The following IL1RAP variants were observed in gnomAD, a reference collection of about 807,000 sequenced individuals.
IL1RAP encodes the protein interleukin 1 receptor accessory protein.
Under a neutral mutation model 60.7 loss-of-function variants are expected in IL1RAP, and 35 were observed. The ratio of observed to expected loss-of-function variants is 0.58; its 90% CI spans 0.44 to 0.76. The LOEUF is 0.76. Ranked by LOEUF, IL1RAP falls within the 30% of genes least tolerant of loss-of-function variation. The pLI is 0.00. For synonymous variants in IL1RAP, 268 were observed against 250.9 expected (o/e 1.07, Z -0.64); for missense variants, 572 against 693.9 (o/e 0.82, Z 1.97).
Position 190,627,309 on chromosome 3 carries a change from G to GTTT in IL1RAP, c.776-6_776-4dup. ...GTTTTTTGTTTTTTTTGTTTTTTTG[G>GTTT]TTTTTTTTTTCAGGAGAGGAGCTAC... is the stretch of plus-strand genomic sequence containing the variant. On this transcript the variant is annotated splice_polypyrimidine_tract_variant and intron_variant, in intron 7 of 11. Transcript: ENST00000447382. 1 of 1,347,034 alleles carries GTTT rather than the reference G, an allele frequency of 7.4e-7. No homozygotes were observed. Among genetic ancestry groups the GTTT allele is most frequent in the Admixed American group, 2.5e-5 (1 of 40,374 alleles). The allele number at this position is 1,347,034 out of a possible 1,614,324, so 83.4% of individuals were successfully genotyped here.
intron 9 of IL1RAP, among the ~76,000 whole-genome samples, chr3:190,636,542 T>G (rs549167640): frequency 6.6e-6 from 1 of 152,116 alleles, no homozygotes; most frequent in East Asian, 1.9e-4. Flanking sequence ...TTTAATTAAT[T>G]AATTTTTTTT....
At chr3:190,541,121 G>A (rs150840415) in intron 1 of IL1RAP, among the ~76,000 whole-genome samples, 1 of 151,956 alleles carries the variant, frequency 6.6e-6, no homozygotes, top group African/African-American at 2.4e-5. Context: ...CATAGAAACT[G>A]GGAGATAGGG....
chr3:190,522,289 GCTTCCTTCCTTCCTTCCTTC>G (rs72459878), intron 1 of IL1RAP, among the ~76,000 whole-genome samples: 4,724 of 135,428 alleles, frequency 0.035, 272 homozygotes, highest in African/African-American at 0.12. Flanking sequence ...GCCTTCCTTT[GCTTCCTTCCTTCCTTCCTTC>G]CTTCCTTCCT....
At chr3:190,643,595 A>C (rs1333817440) in intron 9 of IL1RAP, among the ~76,000 whole-genome samples, 1 of 152,242 alleles carries the variant, frequency 6.6e-6, no homozygotes, top group Non-Finnish European at 1.5e-5. Context: ...GTTCACCTCT[A>C]GAATATGTAC....
chr3:190,646,357 C>CT (rs900984309), intron 11 of IL1RAP, among the ~76,000 whole-genome samples: 2 of 151,878 alleles, frequency 1.3e-5, no homozygotes, highest in Non-Finnish European at 2.9e-5. Context: ...GGCATTTGCT[C>CT]TTTTTTTTCC....
intron 5 of IL1RAP, among the ~76,000 whole-genome samples, chr3:190,616,644 C>T (rs901908580): frequency 3.3e-5 from 5 of 152,158 alleles, no homozygotes; most frequent in African/African-American, 1.2e-4. Context: ...ACAGTTCAAA[C>T]CTTGTATCTC....
chr3:190,620,373 TG>T lies in IL1RAP; in HGVS notation c.637del (p.Val213LeufsTer17). 1 of 1,612,720 alleles carries T rather than the reference TG, an allele frequency of 6.2e-7. No individual in the cohort carries two copies. The highest frequency in any genetic ancestry group is 8.5e-7 in the Non-Finnish European group (1 of 1,179,098). On this transcript the variant is annotated frameshift_variant, in exon 6 of 12. Transcript: ENST00000447382. LOFTEE classifies it high-confidence loss of function. ...LISNNGNYTC[V>X]VTYPENGRTF... Reference sequence around the variant, plus strand: ...TTTCAAATAATGGAAATTACACATGTGTTGTTACATATCCAGAAAATGGACG... The same window carrying T: ...TTTCAAATAATGGAAATTACACATGTTTGTTACATATCCAGAAAATGGACG...
chr3:190,585,139 C>T (rs974508939), intron 3 of IL1RAP, among the ~76,000 whole-genome samples: 6 of 152,184 alleles, frequency 3.9e-5, no homozygotes, highest in African/African-American at 1.4e-4. Flanking sequence ...TGGATGATTA[C>T]ATCCTACAAA....
chr3:190,542,858 A>T (rs1015235843), intron 1 of IL1RAP, among the ~76,000 whole-genome samples: 1 of 150,872 alleles, frequency 6.6e-6, no homozygotes, highest in Non-Finnish European at 1.5e-5. Flanking sequence ...ATCCACTGTA[A>T]CATACACAAA....
At chr3:190,529,360 C>G (rs549653125) in intron 1 of IL1RAP, among the ~76,000 whole-genome samples, 1 of 152,114 alleles carries the variant, frequency 6.6e-6, no homozygotes, top group East Asian at 1.9e-4. Context: ...AAGAGACCAG[C>G]CTGGCCAACG....
chr3:190,576,906 G>A (rs1727511298), intron 3 of IL1RAP, among the ~76,000 whole-genome samples: 1 of 151,966 alleles, frequency 6.6e-6, no homozygotes, highest in Admixed American at 6.6e-5. Context: ...GAGGTCAGGA[G>A]ATCGAGAGCA....
Position 190,650,735 on chromosome 3 carries a change from C to T in IL1RAP, c.*2030C>T. On this transcript the variant is annotated 3_prime_UTR_variant, in exon 12 of 12. Coordinates refer to ENST00000447382, the MANE Select transcript of IL1RAP (RefSeq NM_002182.4). ...TTTTTTAGCCTTATTAATATTTTTC[C>T]CTATTAGAAACCACAATTACTCCCT... 14 of 982,246 alleles carry T rather than the reference C, an allele frequency of 1.4e-5. No homozygotes were observed. The highest frequency in any genetic ancestry group is 1.7e-5 in the Non-Finnish European group (14 of 827,360). The allele number at this position is 982,246 out of a possible 1,614,324, so 60.8% of individuals were successfully genotyped here.
intron 1 of IL1RAP, among the ~76,000 whole-genome samples, chr3:190,527,112 G>A (rs1377221535): frequency 6.6e-6 from 1 of 152,188 alleles, no homozygotes; most frequent in African/African-American, 2.4e-5. Flanking sequence ...TTCCAGCGAT[G>A]ATCCCAGAGC....
chr3:190,592,646 A>G (rs1255265487), intron 3 of IL1RAP, among the ~76,000 whole-genome samples: 1 of 152,220 alleles, frequency 6.6e-6, no homozygotes, highest in Non-Finnish European at 1.5e-5. Flanking sequence ...AAACTCCAGC[A>G]TGGCAGATAC....
At chr3:190,635,552 GTTA>G (rs1198345271) in intron 9 of IL1RAP, among the ~76,000 whole-genome samples, 1 of 151,948 alleles carries the variant, frequency 6.6e-6, no homozygotes, top group African/African-American at 2.4e-5. Flanking sequence ...TCGAGTTTTT[GTTA>G]TTATTAAGTT....
chr3:190,565,896 A>G (rs2108632241), intron 3 of IL1RAP, among the ~76,000 whole-genome samples: 1 of 152,088 alleles, frequency 6.6e-6, no homozygotes, highest in Non-Finnish European at 1.5e-5. Context: ...CTCTCCCTCC[A>G]TCCTGTTTTA....
At chr3:190,578,001 C>T (rs116683851) in intron 3 of IL1RAP, among the ~76,000 whole-genome samples, 8,607 of 152,218 alleles carry the variant, frequency 0.057, 340 homozygotes, top group Non-Finnish European at 0.079. Context: ...GGGAGCTAAG[C>T]ATTGGGCACA....
In IL1RAP at chr3:190,541,192, T is replaced by G. The variant is rs530047233; in HGVS notation, c.-88-14938T>G. Among the ~76,000 whole-genome samples the G allele has an allele frequency of 7.2e-5, 11 of 152,174 alleles. No individual in the cohort carries two copies. In the East Asian group the frequency reaches 1.9e-3, roughly 27 times the overall value. ...TAGAAACTGGGAGATAGGGGTGCTA[T>G]CTCCTGTGATGTTCACTTTTCAAAG... On this transcript the variant is annotated intron_variant, in intron 1 of 11. Coordinates refer to ENST00000447382, the MANE Select transcript of IL1RAP (RefSeq NM_002182.4).
chr3:190,557,592 T>C (rs780462022), intron 2 of IL1RAP, among the ~76,000 whole-genome samples: 1 of 152,182 alleles, frequency 6.6e-6, no homozygotes, highest in East Asian at 1.9e-4. Flanking sequence ...GGGCATTTCA[T>C]TGATCTCTCC....
Sources: gnomAD v4.1 joint callset for allele counts (sites outside exome capture counted in the v4.1 genomes callset) on GRCh38, gnomAD v4.1.1 for gene constraint, MANE v1.5 for transcripts, NCBI Gene and HGNC (gene_info 2026-07-23, HGNC 2026-07-21) for gene names.